Variants in GIGYF2 observed in about 807,000 individuals in gnomAD.
GIGYF2 encodes the protein GRB10-interacting GYF protein 2.
GIGYF2 carries 25 observed loss-of-function variants against 208.1 expected under a neutral mutation model. The observed-to-expected ratio is 0.12, with a 90% CI of 0.09 to 0.17. The LOEUF (loss-of-function observed/expected upper bound fraction) is 0.17, where lower values mean the gene tolerates loss of function less well. Ranked by LOEUF, GIGYF2 falls within the 10% of genes least tolerant of loss-of-function variation. GIGYF2 has a pLI of 1.00. For synonymous variants in GIGYF2, 534 were observed against 543.8 expected, an observed-to-expected ratio of 0.98 and a Z score of 0.25; for missense variants, 1,302 against 1,579.4, an observed-to-expected ratio of 0.82 and a Z score of 2.98.
chr2:232,754,575 A>G (rs192758238), intron 5 of GIGYF2, among the ~76,000 whole-genome samples: 2 of 152,320 alleles, frequency 1.3e-5, no homozygotes, highest in Admixed American at 1.3e-4. Flanking sequence ...TCCTAGCATA[A>G]TAATGCAGTT....
intron 2 of GIGYF2, among the ~76,000 whole-genome samples, chr2:232,716,261 C>T (rs993354182): frequency 1.3e-5 from 2 of 151,698 alleles, no homozygotes; most frequent in African/African-American, 2.4e-5. Flanking sequence ...ATTTGAAGAT[C>T]TACATTCTTT....
chr2:232,808,737 A>G (rs894879954), intron 15 of GIGYF2, among the ~76,000 whole-genome samples: 1 of 152,124 alleles, frequency 6.6e-6, no homozygotes, highest in African/African-American at 2.4e-5. Flanking sequence ...GTTATCTTAT[A>G]CTTCATGTTT....
At chr2:232,843,314 C>A (rs1254550472) in intron 23 of GIGYF2, among the ~76,000 whole-genome samples, 1 of 151,932 alleles carries the variant, frequency 6.6e-6, no homozygotes, top group Admixed American at 6.6e-5. Context: ...AATCCTAGCA[C>A]TTTGGGAGGC....
chr2:232,793,805 G>A (rs1218115528), intron 12 of GIGYF2, among the ~76,000 whole-genome samples: 2 of 152,138 alleles, frequency 1.3e-5, no homozygotes, highest in East Asian at 1.9e-4. Flanking sequence ...AGAGTGCAGG[G>A]AAACTAAGGA....
chr2:232,779,392 A>C (rs1424922377), intron 8 of GIGYF2, among the ~76,000 whole-genome samples: 1 of 152,186 alleles, frequency 6.6e-6, no homozygotes, highest in African/African-American at 2.4e-5. Flanking sequence ...GAAATAATTC[A>C]CTATATATCT....
intron 15 of GIGYF2, among the ~76,000 whole-genome samples, chr2:232,808,318 G>C (rs1423925175): frequency 6.6e-6 from 1 of 152,164 alleles, no homozygotes; most frequent in Non-Finnish European, 1.5e-5. Flanking sequence ...CATCTCAGAA[G>C]CTAAAAGCTC....
At chr2:232,782,775 A>T (rs1010591289) in intron 8 of GIGYF2, 1 of 151,802 alleles carries the variant, frequency 6.6e-6, no homozygotes, top group African/African-American at 2.4e-5. Context: ...AGCCAGATAT[A>T]AATGAATATT....
intron 14 of GIGYF2, among the ~76,000 whole-genome samples, chr2:232,798,229 A>G (rs536882866): frequency 1.3e-5 from 2 of 152,322 alleles, no homozygotes; most frequent in Admixed American, 6.5e-5. Flanking sequence ...GTTGTTGCAT[A>G]TATCAGTAGC....
At chr2:232,707,490 A>T (rs528369499) in intron 2 of GIGYF2, among the ~76,000 whole-genome samples, 27 of 152,234 alleles carry the variant, frequency 1.8e-4, no homozygotes, top group African/African-American at 6.3e-4. Flanking sequence ...TTGGGAACTG[A>T]TGTGTGGTGC....
intron 2 of GIGYF2, chr2:232,731,200 T>C (rs1448288298): frequency 6.6e-6 from 1 of 152,226 alleles, no homozygotes; most frequent in Non-Finnish European, 1.5e-5. Context: ...TTTGTGTTAA[T>C]AGTGACCCTG....
chr2:232,765,905 G>T (rs1056437805), intron 8 of GIGYF2: 2 of 443,910 alleles, frequency 4.5e-6, no homozygotes, highest in African/African-American at 4.4e-5. Context: ...CCAAAGGAAC[G>T]TTTAAAGTTA....
chr2:232,852,113 A>G (rs560155427), intron 28 of GIGYF2, among the ~76,000 whole-genome samples: 16 of 152,282 alleles, frequency 1.1e-4, no homozygotes, highest in African/African-American at 3.8e-4. Flanking sequence ...CATCATGAAG[A>G]GCGTGAGACC....
At position 232,761,380 on chromosome 2, in the gene GIGYF2, A is replaced by C; in HGVS notation, c.492-16A>C. 3 of 1,588,336 alleles carry C rather than the reference A, an allele frequency of 1.9e-6. No homozygotes were observed. Among genetic ancestry groups the C allele is most frequent in the Non-Finnish European group, 2.6e-6 (3 of 1,156,836 alleles). ...CACTGTGAGACTTTGTTTGAAACTT[A>C]TTTTTTCTTTTCCAGGGGTGACAGA... is the stretch of plus-strand genomic sequence containing the variant. On this transcript the variant is annotated splice_polypyrimidine_tract_variant and intron_variant, in intron 7 of 28. Transcript: ENST00000373563.
At chr2:232,798,568 C>G (rs1355667980) in intron 14 of GIGYF2, among the ~76,000 whole-genome samples, 3 of 152,292 alleles carry the variant, frequency 2.0e-5, no homozygotes, top group Admixed American at 6.5e-5. Context: ...TCCTTATCAG[C>G]ATTTGATGTT....
chr2:232,799,970 G>C (rs912777773), intron 14 of GIGYF2, among the ~76,000 whole-genome samples: 4 of 150,236 alleles, frequency 2.7e-5, no homozygotes, highest in African/African-American at 9.8e-5. Context: ...TTTTTTAATT[G>C]GGTTGTTAAT....
rs1003442592 is a variant in GIGYF2, at chr2:232,857,085, G to A, written c.*225G>A. The A allele has an allele frequency of 5.1e-6, 3 of 584,172 alleles. No individual in the cohort carries two copies. The highest frequency in any genetic ancestry group is 1.9e-5 in the African/African-American group (1 of 53,598). The allele number at this position is 584,172 out of a possible 1,614,324, so 36.2% of individuals were successfully genotyped here. ...ATAAGTGGACTGGACCCTGTGTCTT[G>A]GGGGTGGCAGTTGGGATTACTCCCC... On this transcript the variant is annotated 3_prime_UTR_variant, in exon 29 of 29. Coordinates refer to ENST00000373563, the MANE Select transcript of GIGYF2 (RefSeq NM_001103146.3).
chr2:232,754,659 A>T (rs969078724), intron 5 of GIGYF2, among the ~76,000 whole-genome samples: 3 of 152,170 alleles, frequency 2.0e-5, no homozygotes, highest in Non-Finnish European at 4.4e-5. Flanking sequence ...TTGTTTAATT[A>T]TAGTAATACC....
intron 9 of GIGYF2, among the ~76,000 whole-genome samples, 160 bp from the exon 10 acceptor site, chr2:232,790,538 C>T (rs1263188309): frequency 6.6e-6 from 1 of 152,186 alleles, no homozygotes; most frequent in East Asian, 1.9e-4. Context: ...ATACTCTGAA[C>T]TCTGAACTTC....
intron 3 of GIGYF2, among the ~76,000 whole-genome samples, chr2:232,744,977 T>A (rs1230419729): frequency 2.6e-5 from 4 of 152,206 alleles, no homozygotes; most frequent in African/African-American, 4.8e-5. Context: ...TTAAATGAGC[T>A]AGTTCACGTG....
Sources: allele counts gnomAD v4.1 joint callset (sites outside exome capture counted in the v4.1 genomes callset), GRCh38; gene constraint gnomAD v4.1.1; transcripts MANE v1.5; gene names NCBI Gene and HGNC (gene_info 2026-07-23, HGNC 2026-07-21).